TAF4B: variants seen among roughly 807,000 people sequenced by gnomAD.
The protein encoded by TAF4B is TATA-box binding protein associated factor 4b.
A neutral mutation model predicts 86.4 loss-of-function variants in TAF4B; 38 were observed. That is an observed-to-expected ratio of 0.44 (90% CI 0.34 to 0.58). The LOEUF is 0.58. Ranked by LOEUF, TAF4B falls within the 20% of genes least tolerant of loss-of-function variation. The pLI is 0.02. For missense variants in TAF4B, 988 were observed against 1,027.6 expected (o/e 0.96, Z 0.53); for synonymous variants, 388 against 391.2 (o/e 0.99, Z 0.10).
At chr18:26,288,621 G>T (rs538243500) in intron 7 of TAF4B, among the ~76,000 whole-genome samples, 1 of 152,018 alleles carries the variant, frequency 6.6e-6, no homozygotes, top group African/African-American at 2.4e-5. Flanking sequence ...GGTGACGAGC[G>T]AAACTCGTCA....
chr18:26,321,535 C>T (rs896432362), intron 11 of TAF4B, among the ~76,000 whole-genome samples: 1 of 119,680 alleles, frequency 8.4e-6, no homozygotes, highest in African/African-American at 2.9e-5. Flanking sequence ...GCACTCTCCT[C>T]GCATTCCTGT....
rs116770151 is a variant in TAF4B, at chr18:26,282,301, A to G, written c.972+241A>G. Among the ~76,000 whole-genome samples the G allele has an allele frequency of 2.9e-3, 437 of 152,322 alleles. 3 individuals carry two copies. The highest frequency in any genetic ancestry group is 9.5e-3 in the African/African-American group (395 of 41,584). On this transcript the variant is annotated intron_variant, in intron 6 of 14. Transcript: ENST00000269142. ...TAAGTTCATTATTATATTGTTTAAT[A>G]CTTGTATGAGAATATACAGACATAC...
chr18:26,335,294 G>A, intron 13 of TAF4B, 63 bp downstream of exon 13: 1 of 1,413,024 alleles, frequency 7.1e-7, no homozygotes. Flanking sequence ...GCTCTCTCCT[G>A]GCAATTAGGT....
At chr18:26,241,277 A>G (rs1314663851) in intron 1 of TAF4B, among the ~76,000 whole-genome samples, 3 of 152,150 alleles carry the variant, frequency 2.0e-5, no homozygotes, top group Admixed American at 1.3e-4. Context: ...TTAATGGTCT[A>G]CTCAGGGATT....
chr18:26,294,069 G>T (rs1289032120), intron 9 of TAF4B, among the ~76,000 whole-genome samples: 1 of 152,048 alleles, frequency 6.6e-6, no homozygotes, highest in African/African-American at 2.4e-5. Flanking sequence ...GTGGTTTCCA[G>T]TTTTTCTGAT....
intron 6 of TAF4B, among the ~76,000 whole-genome samples, chr18:26,282,707 G>A (rs904446858): frequency 6.6e-6 from 1 of 152,172 alleles, no homozygotes; most frequent in Non-Finnish European, 1.5e-5. Flanking sequence ...CTTCACAAAA[G>A]ACTTCTCTGT....
At chr18:26,231,306 A>C (rs527876762) in intron 1 of TAF4B, among the ~76,000 whole-genome samples, 1 of 143,700 alleles carries the variant, frequency 7.0e-6, no homozygotes, top group South Asian at 2.2e-4. Flanking sequence ...GCCTCCCAAA[A>C]TGCTGGGATT....
intron 5 of TAF4B, among the ~76,000 whole-genome samples, chr18:26,278,395 T>TAG (rs1309598565): frequency 6.6e-6 from 1 of 152,038 alleles, no homozygotes. Flanking sequence ...GCCTCAAACT[T>TAG]ACGGGCTCAA....
chr18:26,341,127 A>G (rs865972523), intron 13 of TAF4B, among the ~76,000 whole-genome samples: 40 of 152,308 alleles, frequency 2.6e-4, no homozygotes, highest in Admixed American at 2.3e-3. Flanking sequence ...AACTGGAAGT[A>G]AAGTATCTTG....
intron 1 of TAF4B, among the ~76,000 whole-genome samples, chr18:26,242,215 A>G (rs2055850427): frequency 6.6e-6 from 1 of 152,062 alleles, no homozygotes; most frequent in Non-Finnish European, 1.5e-5. Context: ...ATTGTGTGGG[A>G]TTCTAAGTCT....
chr18:26,286,251 G>A lies in TAF4B; in HGVS notation c.1342G>A (p.Val448Ile). 6.2e-7 allele frequency: 1 copy of A among 1,614,236 alleles called. No individual in the cohort carries two copies. The highest frequency in any genetic ancestry group is 1.7e-5 in the Admixed American group (1 of 60,030). ...VTSVANTVTT[V>I]SLQPEKPVVS... ...ATCTGTGGCAAACACAGTGACCACG[G>A]TCTCACTGCAACCTGAAAAGCCAGT... Residue 448 changes from valine to isoleucine, a missense_variant, in exon 7 of 15, where the codon GTC (valine) becomes ATC (isoleucine). Transcript: ENST00000269142.
At chr18:26,356,727 C>T (rs1232240885) in intron 13 of TAF4B, among the ~76,000 whole-genome samples, 5 of 149,622 alleles carry the variant, frequency 3.3e-5, no homozygotes, top group African/African-American at 1.2e-4. Flanking sequence ...GAACATTATT[C>T]TTCTCTTCTG....
rs1477195642 is a variant in TAF4B, at chr18:26,390,648, C to T, written c.*636C>T. On this transcript the variant is annotated 3_prime_UTR_variant, in exon 15 of 15. Transcript: ENST00000269142. The stretch of plus-strand genomic sequence containing the variant: ...GTACCAAGTGAGGGGACATGCTTGT[C>T]AGGGAAACCTTAAAATTGAATCTAC... 1 of 152,164 alleles carries T rather than the reference C, an allele frequency of 6.6e-6. No homozygotes were observed. The highest frequency in any genetic ancestry group is 6.5e-5 in the Admixed American group (1 of 15,268). 9.4% of individuals were successfully genotyped at this position (152,164 alleles called of 1,614,324 possible).
At chr18:26,377,782 T>C (rs538804770) in intron 14 of TAF4B, among the ~76,000 whole-genome samples, 13 of 152,340 alleles carry the variant, frequency 8.5e-5, no homozygotes, top group African/African-American at 3.1e-4. Context: ...GCTAATGTTA[T>C]TGTGTGTTAC....
chr18:26,333,575 G>C (rs1213465681), intron 12 of TAF4B, among the ~76,000 whole-genome samples: 1 of 152,076 alleles, frequency 6.6e-6, no homozygotes, highest in Non-Finnish European at 1.5e-5. Context: ...ATTTTTAGTA[G>C]AAATGGGGTC....
chr18:26,343,325 T>C (rs1251305848), intron 13 of TAF4B, among the ~76,000 whole-genome samples: 1 of 152,196 alleles, frequency 6.6e-6, no homozygotes, highest in Non-Finnish European at 1.5e-5. Context: ...TGTGATTGTG[T>C]TAAACTCCTA....
chr18:26,308,301 TGAAGA>T (rs1183238622), intron 9 of TAF4B, among the ~76,000 whole-genome samples: 2 of 152,096 alleles, frequency 1.3e-5, no homozygotes, highest in East Asian at 3.9e-4. Context: ...ATTATATGAG[TGAAGA>T]CTTGGAGATT....
intron 1 of TAF4B, among the ~76,000 whole-genome samples, chr18:26,254,880 G>T (rs763450500): frequency 1.4e-4 from 21 of 152,146 alleles, no homozygotes; most frequent in Non-Finnish European, 2.1e-4. Context: ...TCCTCCAAGG[G>T]ATTTGCAACA....
intron 7 of TAF4B, among the ~76,000 whole-genome samples, chr18:26,288,726 C>CT (rs1251031971): frequency 6.6e-6 from 1 of 152,120 alleles, no homozygotes; most frequent in African/African-American, 2.4e-5. Context: ...GTATGGTGCT[C>CT]TTAGAAAGAA....
Sources: gnomAD v4.1 joint callset for allele counts (sites outside exome capture counted in the v4.1 genomes callset) on GRCh38, gnomAD v4.1.1 for gene constraint, MANE v1.5 for transcripts, NCBI Gene and HGNC (gene_info 2026-07-23, HGNC 2026-07-21) for gene names.